ATP13A4: variants seen among roughly 807,000 people sequenced by gnomAD.
The protein encoded by ATP13A4 is ATPase 13A4, also known as probable cation-transporting ATPase 13A4.
In ATP13A4, 114 loss-of-function variants were observed where a neutral mutation model predicts 142.5. The ratio of observed to expected loss-of-function variants is 0.80; its 90% CI spans 0.69 to 0.93. ATP13A4 has a LOEUF of 0.93. Ranked by LOEUF, ATP13A4 falls within the 40% of genes least tolerant of loss-of-function variation. The pLI, the probability that ATP13A4 is intolerant of heterozygous loss-of-function variation, is 0.00. For synonymous variants in ATP13A4, 488 were observed against 514.8 expected (o/e 0.95, Z 0.70); for missense variants, 1,392 against 1,454.0 (o/e 0.96, Z 0.69).
chr3:193,508,456 T>C (rs1430357318), intron 2 of ATP13A4, among the ~76,000 whole-genome samples: 1 of 152,212 alleles, frequency 6.6e-6, no homozygotes, highest in Non-Finnish European at 1.5e-5. Flanking sequence ...TATGGGACCC[T>C]GAGAATTTTG....
intron 1 of ATP13A4, among the ~76,000 whole-genome samples, chr3:193,533,860 C>A (rs1434651303): frequency 3.9e-5 from 6 of 152,162 alleles, no homozygotes; most frequent in African/African-American, 1.4e-4. Flanking sequence ...GTAATGAACA[C>A]CCCACTCCCT....
At chr3:193,591,497 G>T (rs951660248) in intron 1 of ATP13A4, among the ~76,000 whole-genome samples, 3 of 152,198 alleles carry the variant, frequency 2.0e-5, no homozygotes, top group Non-Finnish European at 4.4e-5. Flanking sequence ...TTCCTTATCA[G>T]GACATACAGA....
intron 1 of ATP13A4, among the ~76,000 whole-genome samples, chr3:193,541,106 G>A (rs979187096): frequency 1.3e-5 from 2 of 151,772 alleles, no homozygotes; most frequent in Non-Finnish European, 1.5e-5. Flanking sequence ...AAAATTAGCC[G>A]GGCGTGGTGG....
chr3:193,470,765 T>C, intron 9 of ATP13A4, 94 bp downstream of exon 9: 1 of 1,580,612 alleles, frequency 6.3e-7, no homozygotes, highest in South Asian at 1.1e-5. Flanking sequence ...AGCCAGCCAC[T>C]GTCATTCAGG....
chr3:193,471,689 C>CACAA (rs1718633010), intron 8 of ATP13A4, among the ~76,000 whole-genome samples: 1 of 151,974 alleles, frequency 6.6e-6, no homozygotes, highest in African/African-American at 2.4e-5. Context: ...CACACACACA[C>CACAA]ACACAAACAC....
intron 2 of ATP13A4, among the ~76,000 whole-genome samples, chr3:193,573,288 T>TAC (rs201324080): frequency 1.3e-5 from 1 of 76,862 alleles, no homozygotes; most frequent in East Asian, 3.1e-4. Flanking sequence ...TATATATATA[T>TAC]ACACATATAT....
intron 21 of ATP13A4, 99 bp from the exon 22 acceptor site, chr3:193,439,164 C>A: frequency 7.8e-7 from 1 of 1,277,790 alleles, no homozygotes. Flanking sequence ...AGGGTTCAAA[C>A]TCATTATTTA....
chr3:193,474,322 C>CAAAAAAAAAAAAAAAAAAAA (rs1176133187), intron 8 of ATP13A4, among the ~76,000 whole-genome samples: 1 of 69,090 alleles, frequency 1.4e-5, no homozygotes, highest in Non-Finnish European at 2.8e-5. Context: ...GACTCCGTCT[C>CAAAAAAAAAAAAAAAAAAAA]AAAAAAAAAA....
intron 25 of ATP13A4, among the ~76,000 whole-genome samples, chr3:193,431,771 A>G (rs952312205): frequency 6.7e-6 from 1 of 149,840 alleles, no homozygotes; most frequent in African/African-American, 2.4e-5. Context: ...ATATATATAT[A>G]TGTTTCCATT....
Position 193,439,062 on chromosome 3 carries a change from G to A in ATP13A4, c.2523C>T (p.Tyr841=). ...CTCCATCACCACACATACCTACAAA[G>A]TAACTAAGAGGGAACCACATTAATT... ...SLVEEFQKLD[Y]FVGMCGDGAN... is the part of the protein sequence containing the mutation. Residue 841 remains tyrosine, a synonymous_variant, in exon 22 of 30, where the codon TAC becomes TAT. Transcript: ENST00000342695. The A allele has an allele frequency of 1.2e-6, 2 of 1,606,172 alleles. No homozygotes were observed. The highest frequency in any genetic ancestry group is 8.5e-7 in the Non-Finnish European group (1 of 1,172,846).
chr3:193,492,363 C>CACAG (rs1719989215), intron 5 of ATP13A4, among the ~76,000 whole-genome samples: 1 of 152,134 alleles, frequency 6.6e-6, no homozygotes, highest in Non-Finnish European at 1.5e-5. Context: ...GTTCAAAGCC[C>CACAG]ACAGACTCTT....
intron 1 of ATP13A4, among the ~76,000 whole-genome samples, chr3:193,588,472 A>G (rs1451465225): frequency 6.6e-6 from 1 of 151,998 alleles, no homozygotes; most frequent in Non-Finnish European, 1.5e-5. Flanking sequence ...TCCTCTTCCT[A>G]GTTTCTTCAT....
At chr3:193,434,047 G>C in intron 24 of ATP13A4, 130 bp from the exon 25 acceptor site, 1 of 796,272 alleles carries the variant, frequency 1.3e-6, no homozygotes, top group South Asian at 1.5e-5. Flanking sequence ...CTGTGTTCGG[G>C]GCCTGGTTGA....
rs1714278274 is a variant in ATP13A4, at chr3:193,402,000, C to G, written c.*652G>C. ...AGCTGATGGAGCCATCAGGTTGAAG[C>G]AGTCACTGCTGTAAGAATGGCAGTT... On this transcript the variant is annotated 3_prime_UTR_variant, in exon 30 of 30. Coordinates refer to ENST00000342695, the MANE Select transcript of ATP13A4 (RefSeq NM_032279.4). 1 of 152,872 alleles carries G rather than the reference C, an allele frequency of 6.5e-6. No homozygotes were observed. The highest frequency in any genetic ancestry group is 6.5e-5 in the Admixed American group (1 of 15,378). 9.5% of individuals were successfully genotyped at this position (152,872 alleles called of 1,614,324 possible).
In ATP13A4 at chr3:193,562,224, C is replaced by CA. The variant is rs369237991; in HGVS notation, n.291+19482dup. Among the ~76,000 whole-genome samples the CA allele has an allele frequency of 2.3e-4, 34 of 150,210 alleles. No individual in the cohort carries two copies. In the East Asian group the frequency reaches 3.1e-3, roughly 14 times the overall value. ...AATCCCTGGGGTGGAAACAAACAAA[C>CA]AAAAAAAAACTACATTTTGATGAGT... On this transcript the variant is annotated intron_variant and non_coding_transcript_variant, in intron 2 of 3. Transcript: ENST00000489140.
At chr3:193,482,332 A>T (rs992827632) in intron 8 of ATP13A4, among the ~76,000 whole-genome samples, 3 of 152,212 alleles carry the variant, frequency 2.0e-5, no homozygotes, top group Non-Finnish European at 4.4e-5. Context: ...TCTGAAAGAC[A>T]ATACAGAAAA....
chr3:193,441,285 T>C (rs970131738), intron 20 of ATP13A4, among the ~76,000 whole-genome samples, 181 bp downstream of exon 20: 1 of 152,196 alleles, frequency 6.6e-6, no homozygotes, highest in African/African-American at 2.4e-5. Flanking sequence ...TTTATTTATT[T>C]CAAATCTAGT....
At chr3:193,484,261 GT>G (rs1438667707) in intron 7 of ATP13A4, among the ~76,000 whole-genome samples, 8 of 151,860 alleles carry the variant, frequency 5.3e-5, no homozygotes, top group African/African-American at 2.4e-5. Flanking sequence ...ACTCAGAAGA[GT>G]TTTTGACACT....
chr3:193,577,156 A>G (rs1724414360), intron 2 of ATP13A4, among the ~76,000 whole-genome samples: 1 of 152,080 alleles, frequency 6.6e-6, no homozygotes, highest in Non-Finnish European at 1.5e-5. Flanking sequence ...CTGGTAGAGT[A>G]ACTTCCTATT....
Sources: gnomAD v4.1 joint callset for allele counts (sites outside exome capture counted in the v4.1 genomes callset) on GRCh38, gnomAD v4.1.1 for gene constraint, MANE v1.5 for transcripts, NCBI Gene and HGNC (gene_info 2026-07-23, HGNC 2026-07-21) for gene names.